Variants in RANBP17 observed in about 807,000 individuals in gnomAD.
RANBP17 encodes the protein ran-binding protein 17.
Under a neutral mutation model 141.2 loss-of-function variants are expected in RANBP17, and 158 were observed. The observed-to-expected ratio is 1.12, with a 90% confidence interval of 0.98 to 1.28. The LOEUF is 1.28. Ranked by LOEUF, RANBP17 falls within the 50% of genes most tolerant of loss-of-function variation. RANBP17 has a pLI of 0.00. For missense variants in RANBP17, 1,438 were observed against 1,290.7 expected (o/e 1.11, Z -1.75); for synonymous variants, 430 against 450.0 (o/e 0.96, Z 0.56).
At chr5:170,991,044 G>A (rs532718799) in intron 14 of RANBP17, among the ~76,000 whole-genome samples, 1 of 151,852 alleles carries the variant, frequency 6.6e-6, no homozygotes, top group African/African-American at 2.4e-5. Context: ...TTTTTGTGTG[G>A]CACAAATGGA....
intron 14 of RANBP17, among the ~76,000 whole-genome samples, chr5:171,112,394 T>A (rs990031995): frequency 2.0e-5 from 3 of 151,976 alleles, no homozygotes; most frequent in Non-Finnish European, 4.4e-5. Flanking sequence ...TAAATGTTTG[T>A]AGGATAAAAA....
At chr5:171,237,693 A>G (rs1764624813) in intron 22 of RANBP17, among the ~76,000 whole-genome samples, 1 of 152,242 alleles carries the variant, frequency 6.6e-6, no homozygotes, top group African/African-American at 2.4e-5. Flanking sequence ...CCAAAGTAGC[A>G]GCTGTTACTG....
chr5:171,017,534 T>C (rs1281932733), intron 14 of RANBP17, among the ~76,000 whole-genome samples: 4 of 152,238 alleles, frequency 2.6e-5, no homozygotes, highest in African/African-American at 9.6e-5. Context: ...ATATGTTTGC[T>C]GGCTGGATAA....
intron 5 of RANBP17, 79 bp from the exon 6 acceptor site, chr5:170,909,582 T>TG (rs1330883263): frequency 6.9e-6 from 3 of 435,564 alleles, no homozygotes; most frequent in Non-Finnish European, 1.2e-5. Flanking sequence ...TATTTCCTTT[T>TG]TTTTTTTTTT....
intron 14 of RANBP17, among the ~76,000 whole-genome samples, chr5:171,055,891 A>C (rs570867775): frequency 3.5e-5 from 5 of 141,884 alleles, no homozygotes; most frequent in African/African-American, 5.1e-5. Flanking sequence ...AAAAAAAAAA[A>C]AAAAACAAAA....
intron 14 of RANBP17, among the ~76,000 whole-genome samples, chr5:171,030,618 A>G (rs1000049534): frequency 6.6e-6 from 1 of 152,068 alleles, no homozygotes; most frequent in African/African-American, 2.4e-5. Context: ...GTATGTGAAC[A>G]TATCCTAACC....
At chr5:170,998,146 A>C (rs572434206) in intron 14 of RANBP17, among the ~76,000 whole-genome samples, 14 of 152,086 alleles carry the variant, frequency 9.2e-5, no homozygotes, top group African/African-American at 3.4e-4. Flanking sequence ...TATATAGATG[A>C]AAGTCTAACA....
intron 18 of RANBP17, among the ~76,000 whole-genome samples, chr5:171,194,088 C>T (rs1761822622): frequency 6.6e-6 from 1 of 152,114 alleles, no homozygotes; most frequent in African/African-American, 2.4e-5. Context: ...TCCCCCAACT[C>T]CCCAGTAATC....
chr5:171,206,205 T>C (rs1278146385), intron 20 of RANBP17: 1 of 165,800 alleles, frequency 6.0e-6, no homozygotes, highest in Non-Finnish European at 1.3e-5. Context: ...AGCATAGACT[T>C]TGGTGATAGA....
At chr5:171,197,845 T>C (rs1762065057) in intron 18 of RANBP17, among the ~76,000 whole-genome samples, 1 of 152,094 alleles carries the variant, frequency 6.6e-6, no homozygotes, top group African/African-American at 2.4e-5. Flanking sequence ...AAGACCATCC[T>C]GGCTAACACG....
intron 14 of RANBP17, among the ~76,000 whole-genome samples, chr5:171,011,110 G>A (rs776266827): frequency 6.6e-6 from 1 of 152,046 alleles, no homozygotes; most frequent in Non-Finnish European, 1.5e-5. Context: ...AAAAAAGATT[G>A]CAGACTAACA....
chr5:171,105,374 T>C (rs1581647386), intron 14 of RANBP17, among the ~76,000 whole-genome samples: 6 of 72,238 alleles, frequency 8.3e-5, no homozygotes, highest in African/African-American at 3.5e-4. Flanking sequence ...AGAGCGAGAC[T>C]CCGTCTCAAA....
chr5:171,064,536 G>T (rs537637367), intron 14 of RANBP17, among the ~76,000 whole-genome samples: 2 of 152,090 alleles, frequency 1.3e-5, no homozygotes, highest in South Asian at 4.2e-4. Context: ...TCACTCTGTT[G>T]CCCAGGCTGT....
chr5:170,920,087 T>G (rs936551248), intron 11 of RANBP17, among the ~76,000 whole-genome samples: 7 of 152,136 alleles, frequency 4.6e-5, no homozygotes, highest in African/African-American at 1.7e-4. Context: ...GTTGTTTATG[T>G]TTTTGGCCAT....
intron 12 of RANBP17, among the ~76,000 whole-genome samples, chr5:170,930,373 TA>T: frequency 6.6e-6 from 1 of 151,650 alleles, no homozygotes; most frequent in South Asian, 2.1e-4. Context: ...GTTTTATTAT[TA>T]CTTTTTTCTA....
chr5:170,978,768 T>C lies in RANBP17; in HGVS notation c.1710+10391T>C, dbSNP rs143054694. 2.1e-4 allele frequency among the ~76,000 whole-genome samples: 32 copies of C among 149,772 alleles called. No homozygotes were observed. In the East Asian group the frequency reaches 4.0e-3, roughly 19 times the overall value. On this transcript the variant is annotated intron_variant, in intron 14 of 27. Transcript: ENST00000523189. Reference sequence around the variant, plus strand: ...CTTCTGGGGACCTTGAAATGTTTTATTTTGATGGGGCTTAAATGAGTGTAT... The same window carrying C: ...CTTCTGGGGACCTTGAAATGTTTTACTTTGATGGGGCTTAAATGAGTGTAT...
intron 22 of RANBP17, among the ~76,000 whole-genome samples, chr5:171,234,473 A>G (rs979561211): frequency 1.3e-5 from 2 of 152,206 alleles, no homozygotes; most frequent in Non-Finnish European, 2.9e-5. Flanking sequence ...TCACGCTGCT[A>G]TATTAAGGAT....
chr5:171,175,018 T>C (rs1760352533), intron 16 of RANBP17, among the ~76,000 whole-genome samples: 1 of 152,076 alleles, frequency 6.6e-6, no homozygotes, highest in Non-Finnish European at 1.5e-5. Flanking sequence ...TTGTCATTGT[T>C]CACCTCCCAC....
At chr5:171,248,175 G>A (rs1765334138) in intron 24 of RANBP17, among the ~76,000 whole-genome samples, 1 of 152,082 alleles carries the variant, frequency 6.6e-6, no homozygotes, top group Admixed American at 6.6e-5. Context: ...GACCATCCTG[G>A]CTAACACGGT....
Sources: allele counts gnomAD v4.1 joint callset (sites outside exome capture counted in the v4.1 genomes callset), GRCh38; gene constraint gnomAD v4.1.1; transcripts MANE v1.5; gene names NCBI Gene and HGNC (gene_info 2026-07-23, HGNC 2026-07-21).